DIAPH1: variants seen among roughly 807,000 people sequenced by gnomAD.
DIAPH1 encodes the protein diaphanous related formin 1.
DIAPH1 carries 46 observed loss-of-function variants against 140.7 expected under a neutral mutation model. The ratio of observed to expected loss-of-function variants is 0.33; its 90% CI spans 0.26 to 0.42. The LOEUF is 0.42. Among genes scored for constraint, DIAPH1 ranks in the 10% least tolerant of loss-of-function variants. The probability of loss-of-function intolerance (pLI) is 1.00; values close to 1 mark genes in which losing one functional copy is unlikely to be tolerated. For synonymous variants in DIAPH1, 565 were observed against 551.6 expected (o/e 1.02, Z -0.34); for missense variants, 1,310 against 1,558.7 (o/e 0.84, Z 2.69).
At chr5:141,585,487 T>A (rs1052715546) in intron 3 of DIAPH1, among the ~76,000 whole-genome samples, 19 of 152,106 alleles carry the variant, frequency 1.2e-4, no homozygotes, top group Non-Finnish European at 1.8e-4. Context: ...TTTCAACAAT[T>A]TTTTTTTAGT....
At chr5:141,588,289 A>T in intron 1 of DIAPH1, 39 bp from the exon 2 acceptor site, 1 of 1,556,358 alleles carries the variant, frequency 6.4e-7, no homozygotes, top group Non-Finnish European at 8.9e-7. Flanking sequence ...AAAGAAGAGA[A>T]ATCAGTGAAG....
At chr5:141,554,813 T>C (rs1178455040) in intron 18 of DIAPH1, among the ~76,000 whole-genome samples, 3 of 151,746 alleles carry the variant, frequency 2.0e-5, no homozygotes, top group African/African-American at 7.3e-5. Context: ...ATCTCAACAA[T>C]ACAAAAAAAA....
chr5:141,532,721 C>T lies in DIAPH1; in HGVS notation c.2581+1614G>A, dbSNP rs958326531. On this transcript the variant is annotated intron_variant, in intron 19 of 27. Transcript: ENST00000389054. ...CTTATTCAGCTTTGTATCATTAGCA[C>T]ATGAGAGACATTTAATCACTAAATT... Among the ~76,000 whole-genome samples the T allele has an allele frequency of 5.3e-5, 8 of 152,328 alleles. No homozygotes were observed. The East Asian group carries it at 1.3e-3, about 26-fold the overall frequency.
At chr5:141,549,283 T>C (rs565554843) in intron 18 of DIAPH1, among the ~76,000 whole-genome samples, 2 of 152,226 alleles carry the variant, frequency 1.3e-5, no homozygotes, top group South Asian at 4.1e-4. Context: ...AGAGATATCA[T>C]CTCTAATAAC....
chr5:141,524,733 G>A (rs953774967), intron 26 of DIAPH1: 9 of 214,400 alleles, frequency 4.2e-5, no homozygotes, highest in Non-Finnish European at 7.7e-5. Context: ...CTGCATCTAA[G>A]AGGAGCAGCC....
chr5:141,545,593 GTGA>G (rs2099890674), intron 18 of DIAPH1, among the ~76,000 whole-genome samples: 1 of 152,164 alleles, frequency 6.6e-6, no homozygotes, highest in African/African-American at 2.4e-5. Context: ...GCTGTGAGCT[GTGA>G]TTATGCCACT....
intron 17 of DIAPH1, 106 bp from the exon 18 acceptor site, chr5:141,571,542 G>T: frequency 1.0e-6 from 1 of 994,058 alleles, no homozygotes; most frequent in Non-Finnish European, 1.6e-6. Flanking sequence ...CAGTCACTCA[G>T]TCACCCAAAC....
chr5:141,547,161 G>T (rs1314813966), intron 18 of DIAPH1, among the ~76,000 whole-genome samples: 1 of 152,238 alleles, frequency 6.6e-6, no homozygotes, highest in Non-Finnish European at 1.5e-5. Flanking sequence ...GTTCATCAGA[G>T]AAGTAGAATT....
intron 18 of DIAPH1, among the ~76,000 whole-genome samples, chr5:141,537,382 C>G (rs1217663858): frequency 6.9e-6 from 1 of 145,838 alleles, no homozygotes; most frequent in East Asian, 2.0e-4. Context: ...ACTAGGGAGG[C>G]TGAGGCAGGA....
At chr5:141,550,694 C>T (rs1386673322) in intron 18 of DIAPH1, among the ~76,000 whole-genome samples, 1 of 152,156 alleles carries the variant, frequency 6.6e-6, no homozygotes, top group African/African-American at 2.4e-5. Context: ...CAGCTCACCT[C>T]CACCTCCCAG....
chr5:141,552,702 G>A (rs2099891913), intron 18 of DIAPH1, among the ~76,000 whole-genome samples: 2 of 152,094 alleles, frequency 1.3e-5, no homozygotes, highest in South Asian at 4.1e-4. Flanking sequence ...AATATATATG[G>A]AAATTAAGTA....
Position 141,584,111 on chromosome 5 carries a change from TC to T in DIAPH1, c.402+12del, listed in dbSNP as rs555848272. 4.8e-3 allele frequency: 7,497 copies of T among 1,554,796 alleles called. 40 individuals are homozygous for T. Among genetic ancestry groups the T allele is most frequent in the Admixed American group, 9.0e-3 (536 of 59,844 alleles). ...CAGTCTCCCATGTCATGGGTACCTGTCCCAGGACTCACAGCCTTGGAGGTGT... is the reference window on the plus strand; with the variant it reads ...CAGTCTCCCATGTCATGGGTACCTGTCCAGGACTCACAGCCTTGGAGGTGT... On this transcript the variant is annotated intron_variant, in intron 4 of 27. Transcript: ENST00000389054.
chr5:141,533,543 CCTTTA>C (rs1363196242), intron 19 of DIAPH1, among the ~76,000 whole-genome samples: 2 of 152,100 alleles, frequency 1.3e-5, no homozygotes, highest in Non-Finnish European at 2.9e-5. Context: ...CAAGCTAGTA[CCTTTA>C]CTTATCAGAA....
intron 18 of DIAPH1, among the ~76,000 whole-genome samples, chr5:141,537,287 C>T (rs1466132221): frequency 6.6e-6 from 1 of 151,626 alleles, no homozygotes; most frequent in Admixed American, 6.6e-5. Flanking sequence ...AGTTCGAGAC[C>T]AGCCTGACCA....
At chr5:141,563,507 AT>A (rs1445831636) in intron 18 of DIAPH1, 1 of 152,276 alleles carries the variant, frequency 6.6e-6, no homozygotes, top group East Asian at 1.9e-4. Flanking sequence ...AAAGTTTGAG[AT>A]TTACTGGTAT....
chr5:141,572,978 G>C (rs1333225987), intron 16 of DIAPH1, among the ~76,000 whole-genome samples: 1 of 152,158 alleles, frequency 6.6e-6, no homozygotes, highest in African/African-American at 2.4e-5. Flanking sequence ...TCAGAATACA[G>C]GGTTCACAGA....
intron 1 of DIAPH1, among the ~76,000 whole-genome samples, chr5:141,611,282 C>T (rs2099901804): frequency 1.3e-5 from 2 of 151,972 alleles, no homozygotes; most frequent in South Asian, 2.1e-4. Flanking sequence ...GAGGAGAAAA[C>T]CTTAGCGACC....
intron 18 of DIAPH1, among the ~76,000 whole-genome samples, chr5:141,559,050 TTC>T (rs1325636452): frequency 6.6e-6 from 1 of 152,180 alleles, no homozygotes; most frequent in East Asian, 1.9e-4. Flanking sequence ...GGAAATAACT[TTC>T]TGTGAGGGTA....
intron 1 of DIAPH1, among the ~76,000 whole-genome samples, chr5:141,601,604 C>T (rs1443967580): frequency 6.6e-6 from 1 of 152,140 alleles, no homozygotes; most frequent in Non-Finnish European, 1.5e-5. Flanking sequence ...TTAGAACCTT[C>T]TTAACAGATC....
Sources: gnomAD v4.1 joint callset for allele counts (sites outside exome capture counted in the v4.1 genomes callset) on GRCh38, gnomAD v4.1.1 for gene constraint, MANE v1.5 for transcripts, NCBI Gene and HGNC (gene_info 2026-07-23, HGNC 2026-07-21) for gene names.